The following CSTF3 variants were observed in gnomAD, a reference collection of about 807,000 sequenced individuals.
The protein encoded by CSTF3 is CF-1 77 kDa subunit.
CSTF3 carries 29 observed loss-of-function variants against 105.8 expected under a neutral mutation model. That is an observed-to-expected ratio of 0.27 (90% CI 0.20 to 0.37). The LOEUF (loss-of-function observed/expected upper bound fraction) is 0.37. Ranked by LOEUF, CSTF3 falls within the 10% of genes least tolerant of loss-of-function variation. The probability of loss-of-function intolerance (pLI) is 1.00; values close to 1 mark genes in which losing one functional copy is unlikely to be tolerated. For missense variants in CSTF3, 357 were observed against 879.3 expected, an observed-to-expected ratio of 0.41 and a Z score of 7.51; for synonymous variants, 252 against 281.9, an observed-to-expected ratio of 0.89 and a Z score of 1.06.
At chr11:33,134,438 G>T (rs1397310840) in intron 3 of CSTF3, 1 of 152,154 alleles carries the variant, frequency 6.6e-6, no homozygotes, top group Non-Finnish European at 1.5e-5. Context: ...ATACACGATA[G>T]CCAAAACCAA....
chr11:33,129,579 C>T (rs940525681), intron 3 of CSTF3, among the ~76,000 whole-genome samples: 6 of 152,112 alleles, frequency 3.9e-5, no homozygotes, highest in South Asian at 2.1e-4. Flanking sequence ...CAGGCAAATA[C>T]GTCAGTAGGC....
intron 2 of CSTF3, 33 bp downstream of exon 2, chr11:33,141,852 T>C (rs1311578564): frequency 3.2e-6 from 5 of 1,574,330 alleles, no homozygotes; most frequent in Non-Finnish European, 4.3e-6. Flanking sequence ...ATTGGACCCA[T>C]AGAGAAGGAA....
At chr11:33,092,197 TCA>T in intron 16 of CSTF3, 72 bp downstream of exon 16, 1 of 993,450 alleles carries the variant, frequency 1.0e-6, no homozygotes, top group Non-Finnish European at 1.5e-6. Flanking sequence ...AAGCAAACAT[TCA>T]CCCCATAGAC....
intron 1 of CSTF3, among the ~76,000 whole-genome samples, chr11:33,142,212 CAGAG>C (rs1855720739): frequency 6.6e-6 from 1 of 150,922 alleles, no homozygotes. Context: ...TGAAAATACT[CAGAG>C]AGAAAAAAAA....
intron 3 of CSTF3, among the ~76,000 whole-genome samples, chr11:33,126,598 G>C (rs1444683156): frequency 6.6e-6 from 1 of 152,030 alleles, no homozygotes; most frequent in African/African-American, 2.4e-5. Context: ...TAAAAATAAA[G>C]ACATTTTTTT....
At chr11:33,094,322 C>T (rs1390465606) in intron 15 of CSTF3, among the ~76,000 whole-genome samples, 1 of 152,194 alleles carries the variant, frequency 6.6e-6, no homozygotes, top group Non-Finnish European at 1.5e-5. Context: ...ATACACCTAA[C>T]CTCAGAACTA....
At chr11:33,087,645 CAAGG>C (rs1298888792) in intron 17 of CSTF3, among the ~76,000 whole-genome samples, 2 of 152,138 alleles carry the variant, frequency 1.3e-5, no homozygotes, top group East Asian at 3.8e-4. Context: ...TTACAGGGGA[CAAGG>C]AATATTTACT....
chr11:33,085,685 A>ACT (rs758665464), intron 20 of CSTF3, 28 bp downstream of exon 20: 84 of 1,573,588 alleles, frequency 5.3e-5, no homozygotes, highest in Admixed American at 1.5e-4. Context: ...GTGGAATGAC[A>ACT]CTCTGAAATG....
intron 3 of CSTF3, among the ~76,000 whole-genome samples, chr11:33,116,621 G>A (rs1316280434): frequency 6.6e-6 from 1 of 152,074 alleles, no homozygotes; most frequent in South Asian, 2.1e-4. Flanking sequence ...CATTACAGAG[G>A]GCATAAAAAG....
intron 20 of CSTF3, 69 bp from the exon 21 acceptor site, chr11:33,085,358 G>T (rs1292460999): frequency 1.2e-6 from 1 of 803,552 alleles, no homozygotes; most frequent in Non-Finnish European, 1.8e-6. Context: ...TTCAACTGTG[G>T]ATACTTTATT....
intron 3 of CSTF3, among the ~76,000 whole-genome samples, chr11:33,115,591 CAAATAATTA>C (rs58099624): frequency 0.73 from 110,847 of 152,012 alleles, 40,690 homozygotes; most frequent in African/African-American, 0.8. Context: ...CTATGTGTGA[CAAATAATTA>C]AGGCCCTTTT....
intron 3 of CSTF3, among the ~76,000 whole-genome samples, chr11:33,121,220 AT>A (rs2133786868): frequency 6.6e-6 from 1 of 152,212 alleles, no homozygotes; most frequent in South Asian, 2.1e-4. Flanking sequence ...TCAGGTAAAT[AT>A]TAAGTTCCAG....
chr11:33,129,909 G>A (rs1291853834), intron 3 of CSTF3, among the ~76,000 whole-genome samples: 1 of 152,190 alleles, frequency 6.6e-6, no homozygotes, highest in Non-Finnish European at 1.5e-5. Flanking sequence ...ACAATCAACT[G>A]AGGAATATCA....
intron 5 of CSTF3, among the ~76,000 whole-genome samples, 195 bp from the exon 6 acceptor site, chr11:33,106,259 TA>T (rs1050754555): frequency 7.5e-4 from 113 of 150,856 alleles, no homozygotes; most frequent in Non-Finnish European, 1.3e-3. Flanking sequence ...AAATAAAAAT[TA>T]AAAAAATTAG....
chr11:33,113,583 ATACAAT>A (rs1426539172), intron 3 of CSTF3, among the ~76,000 whole-genome samples: 1 of 152,194 alleles, frequency 6.6e-6, no homozygotes, highest in Non-Finnish European at 1.5e-5. Context: ...AAAATTTGTC[ATACAAT>A]TACATTACCT....
chr11:33,085,212 T>C lies in CSTF3; in HGVS notation c.2029A>G (p.Asn677Asp). Reference sequence around the variant, plus strand: ...TTGACGGCCTTGGTGAGTACTGCATTACTTTCCACGGGGCCGTTGCCTTCT... The same window carrying C: ...TTGACGGCCTTGGTGAGTACTGCATCACTTTCCACGGGGCCGTTGCCTTCT... ...AVEGNGPVESNAVLTKAVKRP... is the reference protein window; with the variant it reads ...AVEGNGPVESDAVLTKAVKRP... Residue 677 changes from asparagine to aspartate, a missense_variant, in exon 21 of 21, where the codon AAT (asparagine) becomes GAT (aspartate). This residue lies in a region of CSTF3 where 73 missense variants were observed against 105.8 expected (regional missense o/e 0.69). Transcript: ENST00000323959. 6.2e-7 allele frequency: 1 copy of C among 1,610,528 alleles called. No individual in the cohort carries two copies. Among genetic ancestry groups the C allele is most frequent in the Non-Finnish European group, 8.5e-7 (1 of 1,178,328 alleles).
chr11:33,087,243 C>T (rs530960620), intron 17 of CSTF3, 102 bp from the exon 18 acceptor site: 336 of 1,206,576 alleles, frequency 2.8e-4, no homozygotes, highest in Non-Finnish European at 3.8e-4. Context: ...TGGGTCAAAA[C>T]CACAGAAAGA....
intron 1 of CSTF3, among the ~76,000 whole-genome samples, chr11:33,143,830 A>G (rs1428578204): frequency 6.6e-6 from 1 of 151,884 alleles, no homozygotes; most frequent in Non-Finnish European, 1.5e-5. Context: ...CTCTACTAAA[A>G]ACACAAAAAA....
At chr11:33,130,287 A>G (rs1261865454) in intron 3 of CSTF3, among the ~76,000 whole-genome samples, 1 of 152,182 alleles carries the variant, frequency 6.6e-6, no homozygotes, top group Non-Finnish European at 1.5e-5. Flanking sequence ...AGCCTGGCCA[A>G]CGTGGTGAAA....
Sources: gnomAD v4.1 joint callset for allele counts (sites outside exome capture counted in the v4.1 genomes callset) on GRCh38, gnomAD v4.1.1 for gene constraint, gnomAD v4.1.1 regional missense constraint, MANE v1.5 for transcripts, NCBI Gene and HGNC (gene_info 2026-07-23, HGNC 2026-07-21) for gene names.